Variants in HS2ST1 observed in about 807,000 individuals in gnomAD.
HS2ST1 encodes heparan sulfate 2-O-sulfotransferase 1, also known as 2-O-sulfotransferase.
HS2ST1 carries 18 observed loss-of-function variants against 42.9 expected under a neutral mutation model. That is an observed-to-expected ratio of 0.42 (90% CI 0.29 to 0.62). The LOEUF is 0.62. Ranked by LOEUF, HS2ST1 falls within the 20% of genes least tolerant of loss-of-function variation. The pLI, the probability that HS2ST1 is intolerant of heterozygous loss-of-function variation, is 0.21. For missense variants in HS2ST1, 334 were observed against 433.8 expected (o/e 0.77, Z 2.04); for synonymous variants, 146 against 152.9 (o/e 0.95, Z 0.33).
At position 87,106,277 on chromosome 1, in the gene HS2ST1, C is replaced by T. The variant is rs1470774194; in HGVS notation, c.*1581C>T. 1.3e-5 allele frequency: 2 copies of T among 152,458 alleles called. No individual in the cohort carries two copies. Among genetic ancestry groups the T allele is most frequent in the African/African-American group, 4.8e-5 (2 of 41,422 alleles). The allele number at this position is 152,458 out of a possible 1,614,324, so 9.4% of individuals were successfully genotyped here. A position where few individuals can be genotyped will look rare whatever the true frequency, so the allele number is the denominator to read the frequency against. On this transcript the variant is annotated 3_prime_UTR_variant, in exon 7 of 7. Transcript: ENST00000370550. Reference sequence around the variant, plus strand: ...CAACAACTATTGAAATATGAAATGCCTGTGAACTCTTAAAGCTTCATGAGC... The same window carrying T: ...CAACAACTATTGAAATATGAAATGCTTGTGAACTCTTAAAGCTTCATGAGC...
intron 1 of HS2ST1, among the ~76,000 whole-genome samples, chr1:86,943,019 G>A (rs953430169): frequency 2.6e-5 from 4 of 152,092 alleles, no homozygotes; most frequent in Non-Finnish European, 5.9e-5. Flanking sequence ...TGATATGTTA[G>A]TAGTTTCTTT....
intron 1 of HS2ST1, among the ~76,000 whole-genome samples, chr1:86,949,659 C>G (rs1033844322): frequency 1.3e-5 from 2 of 152,206 alleles, no homozygotes; most frequent in African/African-American, 4.8e-5. Flanking sequence ...ATTAAAAATT[C>G]TGCTCTTTGG....
At chr1:86,967,839 G>C (rs1239131296) in intron 1 of HS2ST1, among the ~76,000 whole-genome samples, 1 of 152,130 alleles carries the variant, frequency 6.6e-6, no homozygotes, top group Non-Finnish European at 1.5e-5. Context: ...TGGATTGAAT[G>C]GTAGACCTAC....
intron 1 of HS2ST1, chr1:87,046,614 A>G: frequency 1.3e-6 from 2 of 1,575,012 alleles, no homozygotes; most frequent in South Asian, 2.3e-5. Context: ...GCTGAAGTAC[A>G]AAGTCAAGGA....
chr1:86,963,752 C>G lies in HS2ST1; in HGVS notation c.124+48592C>G, dbSNP rs916068459. 4.7e-5 allele frequency among the ~76,000 whole-genome samples: 7 copies of G among 149,230 alleles called. No homozygotes were observed. The East Asian group carries it at 6.0e-4, about 13-fold the overall frequency. On this transcript the variant is annotated intron_variant, in intron 1 of 6. Coordinates refer to ENST00000370550, the MANE Select transcript of HS2ST1 (RefSeq NM_012262.4). ...GGCGGCCAGGCAGAGGCGCCCCCCCCCCCACCTCCCGGACGGGGCAGCTGG... is the reference window on the plus strand; with the variant it reads ...GGCGGCCAGGCAGAGGCGCCCCCCCGCCCACCTCCCGGACGGGGCAGCTGG...
At chr1:87,078,707 T>A (rs1651608293) in intron 2 of HS2ST1, among the ~76,000 whole-genome samples, 1 of 152,238 alleles carries the variant, frequency 6.6e-6, no homozygotes, top group Admixed American at 6.5e-5. Context: ...TCAGTAAGAA[T>A]CCATAAAGTG....
intron 1 of HS2ST1, among the ~76,000 whole-genome samples, chr1:87,014,047 G>A (rs1649680122): frequency 6.6e-6 from 1 of 152,154 alleles, no homozygotes; most frequent in Non-Finnish European, 1.5e-5. Flanking sequence ...TGTCTTCTGA[G>A]CCCTCCAAAC....
intron 1 of HS2ST1, among the ~76,000 whole-genome samples, chr1:87,065,522 T>C (rs998236993): frequency 3.9e-5 from 6 of 152,314 alleles, no homozygotes; most frequent in Non-Finnish European, 5.9e-5. Flanking sequence ...TCAGGCCTCA[T>C]TGTCCTAGGA....
intron 1 of HS2ST1, among the ~76,000 whole-genome samples, chr1:86,982,874 C>T (rs980141415): frequency 2.0e-5 from 3 of 152,146 alleles, no homozygotes; most frequent in Admixed American, 6.6e-5. Flanking sequence ...TAACCTAAAT[C>T]GTCTCTCTCA....
At chr1:87,010,097 A>G (rs1029317534) in intron 1 of HS2ST1, among the ~76,000 whole-genome samples, 3 of 152,080 alleles carry the variant, frequency 2.0e-5, no homozygotes, top group East Asian at 1.9e-4. Flanking sequence ...AAACTGGCAC[A>G]TAGCACTTTC....
At chr1:86,922,154 G>A (rs145012558) in intron 1 of HS2ST1, among the ~76,000 whole-genome samples, 1 of 143,494 alleles carries the variant, frequency 7.0e-6, no homozygotes, top group Non-Finnish European at 1.5e-5. Flanking sequence ...CTTACTAGCA[G>A]TGCTCTTTGT....
intron 1 of HS2ST1, among the ~76,000 whole-genome samples, chr1:87,015,737 G>C (rs749256997): frequency 2.0e-5 from 3 of 152,168 alleles, no homozygotes; most frequent in Non-Finnish European, 4.4e-5. Context: ...TTCTGGTTTA[G>C]AGTGATATTA....
chr1:86,977,499 C>G (rs1648454437), intron 1 of HS2ST1, among the ~76,000 whole-genome samples: 1 of 152,200 alleles, frequency 6.6e-6, no homozygotes, highest in Admixed American at 6.5e-5. Flanking sequence ...TTTGTAATGT[C>G]ATATGCTAAA....
intron 2 of HS2ST1, among the ~76,000 whole-genome samples, chr1:87,081,950 G>A (rs1347596383): frequency 1.4e-5 from 2 of 146,660 alleles, no homozygotes; most frequent in African/African-American, 5.1e-5. Context: ...TTCCAGCCTG[G>A]CGACAGCAAG....
chr1:86,927,640 A>G (rs2102160864), intron 1 of HS2ST1, among the ~76,000 whole-genome samples: 1 of 152,294 alleles, frequency 6.6e-6, no homozygotes, highest in Non-Finnish European at 1.5e-5. Flanking sequence ...AAGAGTGATC[A>G]GATGATGTCA....
At chr1:86,987,233 C>T (rs1020305378) in intron 1 of HS2ST1, among the ~76,000 whole-genome samples, 2 of 152,010 alleles carry the variant, frequency 1.3e-5, no homozygotes, top group South Asian at 2.1e-4. Flanking sequence ...CCTGCCGCCA[C>T]GCCGGGCTAA....
At chr1:87,026,531 G>T (rs1291660455) in intron 1 of HS2ST1, among the ~76,000 whole-genome samples, 1 of 152,076 alleles carries the variant, frequency 6.6e-6, no homozygotes, top group Non-Finnish European at 1.5e-5. Flanking sequence ...TTATACTTTG[G>T]TTATAGTTTT....
intron 1 of HS2ST1, among the ~76,000 whole-genome samples, chr1:86,992,443 C>T (rs142177466): frequency 0.034 from 5,140 of 151,836 alleles, 141 homozygotes; most frequent in Non-Finnish European, 0.051. Context: ...CTCGGCTCAC[C>T]GCAGCCTCCA....
At chr1:87,047,018 A>G (rs1432565425) in intron 1 of HS2ST1, among the ~76,000 whole-genome samples, 1 of 151,730 alleles carries the variant, frequency 6.6e-6, no homozygotes, top group Non-Finnish European at 1.5e-5. Flanking sequence ...TATATGTTTA[A>G]CTTTTTAAGA....
Sources: gnomAD v4.1 joint callset for allele counts (sites outside exome capture counted in the v4.1 genomes callset) on GRCh38, gnomAD v4.1.1 for gene constraint, MANE v1.5 for transcripts, NCBI Gene and HGNC (gene_info 2026-07-23, HGNC 2026-07-21) for gene names.